The following RNASEH1 variants were observed in gnomAD, a reference collection of about 807,000 sequenced individuals.
The protein encoded by RNASEH1 is ribonuclease H type II.
In RNASEH1, 27 loss-of-function variants were observed where a neutral mutation model predicts 34.6. The ratio of observed to expected loss-of-function variants is 0.78; its 90% CI spans 0.58 to 1.08. The LOEUF (loss-of-function observed/expected upper bound fraction) is 1.08. Among genes scored for constraint, RNASEH1 ranks in the 50% least tolerant of loss-of-function variants. The probability of loss-of-function intolerance (pLI) is 0.00; values close to 1 mark genes in which losing one functional copy is unlikely to be tolerated. For missense variants in RNASEH1, 349 were observed against 373.6 expected, an observed-to-expected ratio of 0.93 and a Z score of 0.54; for synonymous variants, 162 against 138.4, an observed-to-expected ratio of 1.17 and a Z score of -1.20.
chr2:3,539,845 T>C (rs754145760), downstream of RNASEH1, among the ~76,000 whole-genome samples: 2 of 152,200 alleles, frequency 1.3e-5, 1 homozygote, highest in Non-Finnish European at 2.9e-5. Context: ...CTTGCTCAAC[T>C]TGAAATGAAC....
rs1668412175 is a variant in RNASEH1 at position 3,542,830 on chromosome 2, A to G, written c.*2955T>C. On this transcript the variant is annotated 3_prime_UTR_variant, in exon 8 of 8. Coordinates refer to ENST00000315212, the MANE Select transcript of RNASEH1 (RefSeq NM_002936.6). ...CCAGGACCCTGAATTTGTATTGGGA[A>G]TATCAATATAGGCTCAGAAAATATT... Among the ~76,000 whole-genome samples the G allele has an allele frequency of 6.6e-6, 1 of 152,204 alleles. No individual in the cohort carries two copies. Among genetic ancestry groups the G allele is most frequent in the South Asian group, 2.1e-4 (1 of 4,830 alleles).
Position 3,547,976 on chromosome 2 carries a change from G to A in RNASEH1, c.729C>T (p.Asp243=), listed in dbSNP as rs138756800. The A allele has an allele frequency of 2.4e-4, 387 of 1,613,750 alleles. 2 individuals carry two copies. In the Middle Eastern group the frequency reaches 3.5e-3, roughly 14 times the overall value. Residue 243 remains aspartate, a synonymous_variant, in exon 7 of 8, where the codon GAC becomes GAT. Transcript: ENST00000315212. ...SAGKEVINKE[D]FVALERLTQG... ...GGGTAAGCCTCTCCAGTGCCACAAA[G>A]TCCTCTTTGTTGATCACCTCTTTCC...
chr2:3,556,862 T>G lies in RNASEH1; in HGVS notation c.171A>C (p.Arg57Ser). ...RAQVDRFPAA[R>S]FKKFATEDEA... ...CATCCTCTGTGGCAAACTTCTTAAA[T>G]CTGGCAGCAGGAAACCGGTCCACCT... The change falls in exon 2 of 8, where the codon AGA (arginine) becomes AGC (serine). Residue 57 changes from arginine (R) to serine (S), a missense_variant. Around this residue, in one of 2 missense-constraint regions of RNASEH1, gnomAD observed 256 missense variants for 240.7 expected, o/e 1.06. Transcript: ENST00000315212. 1 of 1,614,166 alleles carries G rather than the reference T, an allele frequency of 6.2e-7. No homozygotes were observed. The highest frequency in any genetic ancestry group is 8.5e-7 in the Non-Finnish European group (1 of 1,179,964).
At chr2:3,554,045 C>A (rs758147260) in intron 2 of RNASEH1, among the ~76,000 whole-genome samples, 1 of 152,274 alleles carries the variant, frequency 6.6e-6, no homozygotes, top group Middle Eastern at 3.4e-3. Context: ...AAATGGGGCA[C>A]GAACATCACA....
intron 2 of RNASEH1, among the ~76,000 whole-genome samples, chr2:3,555,693 A>C (rs186383033): frequency 1.3e-3 from 197 of 152,272 alleles, no homozygotes; most frequent in Admixed American, 2.0e-3. Flanking sequence ...GTTTGTAAGT[A>C]ACATTCACGT....
Position 3,550,452 on chromosome 2 carries a change from T to G in RNASEH1, c.430A>C (p.Thr144Pro). 1 of 1,614,126 alleles carries G rather than the reference T, an allele frequency of 6.2e-7. No individual in the cohort carries two copies. Among genetic ancestry groups the G allele is most frequent in the South Asian group, 1.1e-5 (1 of 91,082 alleles). Residue 144 changes from threonine to proline, a missense_variant, in exon 4 of 8, where the codon ACT becomes CCT. Around this residue, in one of 2 missense-constraint regions of RNASEH1, gnomAD observed 256 missense variants for 240.7 expected, o/e 1.06. Coordinates refer to ENST00000315212, the MANE Select transcript of RNASEH1 (RefSeq NM_002936.6). ...SYMGDFVVVY[T>P]DGCCSSNGRR... Reference sequence around the variant, plus strand: ...CCATTACTGGAGCAGCAGCCATCAGTGTAGACGACGACGAAGTCTCCTGTG... The same window carrying G: ...CCATTACTGGAGCAGCAGCCATCAGGGTAGACGACGACGAAGTCTCCTGTG...
rs1484964883 is a variant in RNASEH1, at chr2:3,545,039, T to A, written c.*746A>T. 1 of 151,790 alleles carries A rather than the reference T, an allele frequency of 6.6e-6. No homozygotes were observed. Among genetic ancestry groups the A allele is most frequent in the Non-Finnish European group, 1.5e-5 (1 of 67,984 alleles). The allele number at this position is 151,790 out of a possible 1,614,324, so 9.4% of individuals were successfully genotyped here. A position where few individuals can be genotyped will look rare whatever the true frequency, so the allele number is the denominator to read the frequency against. On this transcript the variant is annotated 3_prime_UTR_variant, in exon 8 of 8. Coordinates refer to ENST00000315212, the MANE Select transcript of RNASEH1 (RefSeq NM_002936.6). ...ATCTGCCCGCCTTGGCCTCCCAAAG[T>A]GCTAGGATTACAGAAGTGAGCCACT...
the RNASEH1 span, among the ~76,000 whole-genome samples, chr2:3,535,444 AAAG>A: frequency 7.2e-5 from 11 of 151,842 alleles, no homozygotes; most frequent in Non-Finnish European, 8.8e-5. Context: ...AAAAAAAAAA[AAAG>A]GTTAAGATGT....
chr2:3,532,916 C>T, the RNASEH1 span, among the ~76,000 whole-genome samples: 1,284 of 152,304 alleles, frequency 8.4e-3, 19 homozygotes, highest in African/African-American at 0.029. Context: ...CGCTCTCCCG[C>T]GCAGACAGGA....
intron 3 of RNASEH1, among the ~76,000 whole-genome samples, chr2:3,551,565 T>C (rs1476044060): frequency 6.6e-6 from 1 of 152,284 alleles, no homozygotes; most frequent in Non-Finnish European, 1.5e-5. Flanking sequence ...TGGTTTCCCT[T>C]GAATTAAATT....
In RNASEH1 at chr2:3,550,466, A is replaced by T. The variant is rs754355781; in HGVS notation, c.416T>A (p.Phe139Tyr). The T allele has an allele frequency of 6.2e-6, 10 of 1,613,572 alleles. No homozygotes were observed. Among genetic ancestry groups the T allele is most frequent in the Admixed American group, 1.7e-5 (1 of 60,000 alleles). The stretch of plus-strand genomic sequence containing the variant: ...GCAGCCATCAGTGTAGACGACGACG[A>T]AGTCTCCTGTGGGAAAAGGAAGTAC... Reference protein sequence around the residue: ...SRDTFSYMGDFVVVYTDGCCS... With the variant: ...SRDTFSYMGDYVVVYTDGCCS... Residue 139 changes from phenylalanine (F) to tyrosine (Y), a missense_variant, in exon 4 of 8, where the codon TTC becomes TAC. Physicochemically the swap from Phe to Tyr is conservative, Grantham distance 22 (BLOSUM62 3). Around this residue, in one of 2 missense-constraint regions of RNASEH1, gnomAD observed 256 missense variants for 240.7 expected, o/e 1.06. Transcript: ENST00000315212.
At chr2:3,555,741 A>C (rs1660428085) in intron 2 of RNASEH1, among the ~76,000 whole-genome samples, 1 of 119,114 alleles carries the variant, frequency 8.4e-6, no homozygotes, top group African/African-American at 3.2e-5. Context: ...AAATATTTTT[A>C]AAATCTTGCG....
At chr2:3,552,837 T>C (rs921567450) in intron 2 of RNASEH1, among the ~76,000 whole-genome samples, 2 of 151,956 alleles carry the variant, frequency 1.3e-5, no homozygotes, top group East Asian at 1.9e-4. Context: ...TGCTTAAAAA[T>C]AGATAAATCT....
chr2:3,539,131 CT>C (rs1449158117), downstream of RNASEH1, among the ~76,000 whole-genome samples: 2 of 151,990 alleles, frequency 1.3e-5, no homozygotes, highest in African/African-American at 4.8e-5. Context: ...TTTGTTTTTG[CT>C]TATGGCTCTT....
Position 3,558,303 on chromosome 2 carries a change from G to C in RNASEH1, c.-43C>G. 6.7e-7 allele frequency: 1 copy of C among 1,489,562 alleles called. No homozygotes were observed. Among genetic ancestry groups the C allele is most frequent in the South Asian group, 1.3e-5 (1 of 75,544 alleles). The allele number at this position is 1,489,562 out of a possible 1,614,324, so 92.3% of individuals were successfully genotyped here. A position where few individuals can be genotyped will look rare whatever the true frequency, so the allele number is the denominator to read the frequency against. On this transcript the variant is annotated 5_prime_UTR_variant, in exon 1 of 8. Transcript: ENST00000315212. ...GGGAAGCATTTCGACTCCCGGCCCA[G>C]CGTGGGCGCGAGCCGCCGGCGCTCA...
intron 1 of RNASEH1, 51 bp downstream of exon 1, chr2:3,558,082 C>G: frequency 6.5e-7 from 1 of 1,542,992 alleles, no homozygotes; most frequent in East Asian, 2.4e-5. Flanking sequence ...GCTCCGGCCT[C>G]CCTCGACCCC....
intron 3 of RNASEH1, among the ~76,000 whole-genome samples, chr2:3,551,614 T>TA (rs1331465209): frequency 6.6e-6 from 1 of 152,232 alleles, no homozygotes; most frequent in African/African-American, 2.4e-5. Context: ...TTTTAATGCT[T>TA]ATTTCTACTT....
the RNASEH1 span, chr2:3,532,221 A>G: frequency 1.4e-5 from 10 of 701,802 alleles, no homozygotes; most frequent in African/African-American, 1.7e-4. Flanking sequence ...CTTTCAAGGC[A>G]TTCACTCCGT....
intron 2 of RNASEH1, among the ~76,000 whole-genome samples, chr2:3,556,308 G>GTTTTT (rs1183563934): frequency 7.2e-6 from 1 of 138,354 alleles, no homozygotes. Flanking sequence ...AACTATGTAA[G>GTTTTT]TTTTTTTTTT....
Sources: allele counts gnomAD v4.1 joint callset (sites outside exome capture counted in the v4.1 genomes callset), GRCh38; gene constraint gnomAD v4.1.1; regional missense constraint gnomAD v4.1.1; transcripts MANE v1.5; gene names NCBI Gene and HGNC (gene_info 2026-07-23, HGNC 2026-07-21).